The following NPFFR2 variants were observed in gnomAD, a reference collection of about 807,000 sequenced individuals.
NPFFR2 encodes the protein neuropeptide FF receptor 2.
In NPFFR2, 15 loss-of-function variants were observed where a neutral mutation model predicts 13.1. The observed-to-expected ratio is 1.15, with a 90% CI of 0.77 to 1.76. The LOEUF is 1.76. Ranked by LOEUF, NPFFR2 falls within the 40% of genes most tolerant of loss-of-function variation. The pLI is 0.00. For missense variants in NPFFR2, 572 were observed against 503.5 expected (o/e 1.14, Z -1.30); for synonymous variants, 190 against 175.7 (o/e 1.08, Z -0.65).
chr4:72,055,421 G>A (rs1473360167), intron 1 of NPFFR2, among the ~76,000 whole-genome samples: 5 of 152,122 alleles, frequency 3.3e-5, no homozygotes, highest in African/African-American at 1.2e-4. Flanking sequence ...GATAAGTGTT[G>A]TGTGTATTCT....
intron 1 of NPFFR2, among the ~76,000 whole-genome samples, chr4:72,100,406 GT>G (rs1560411091): frequency 1.3e-5 from 2 of 152,030 alleles, no homozygotes; most frequent in East Asian, 3.9e-4. Flanking sequence ...TAAAATAGGT[GT>G]TACAGTACCT....
rs143575262 is a variant in NPFFR2 at position 72,142,249 on chromosome 4, G to A, written c.428+4110G>A. Among the ~76,000 whole-genome samples, 298 of 152,092 alleles carry A rather than the reference G, an allele frequency of 2.0e-3. 2 individuals are homozygous for A. Among genetic ancestry groups the A allele is most frequent in the African/African-American group, 6.5e-3 (271 of 41,510 alleles). ...GTGTCTTTTAATTGGGGCATTTATC[G>A]CATTTACATTTAAGGTTAATAGCGT... On this transcript the variant is annotated intron_variant, in intron 3 of 3. Coordinates refer to ENST00000308744, the MANE Select transcript of NPFFR2 (RefSeq NM_004885.3).
At chr4:72,058,323 G>A (rs927809527) in intron 1 of NPFFR2, among the ~76,000 whole-genome samples, 9 of 151,620 alleles carry the variant, frequency 5.9e-5, no homozygotes, top group African/African-American at 2.2e-4. Context: ...TGGGGATTCT[G>A]AAAAGTATGT....
intron 1 of NPFFR2, among the ~76,000 whole-genome samples, chr4:72,062,979 AGGTTGTGTAGTT>A (rs1267826057): frequency 1.6e-4 from 24 of 152,188 alleles, no homozygotes; most frequent in Non-Finnish European, 3.4e-4. Flanking sequence ...TACGTCTTGA[AGGTTGTGTAGTT>A]GGTTGTAATT....
At chr4:72,032,326 CCTTCCT>C in intron 1 of NPFFR2, 126 bp downstream of exon 1, 1 of 1,103,708 alleles carries the variant, frequency 9.1e-7, no homozygotes, top group Non-Finnish European at 1.3e-6. Flanking sequence ...TTTTCAAATC[CCTTCCT>C]AATTACACAG....
At chr4:72,050,546 C>G (rs528947248) in intron 1 of NPFFR2, among the ~76,000 whole-genome samples, 1 of 151,954 alleles carries the variant, frequency 6.6e-6, no homozygotes, top group Non-Finnish European at 1.5e-5. Context: ...TCTATTATAA[C>G]ATGACATGGC....
At chr4:72,133,045 C>T (rs1429084050) in intron 2 of NPFFR2, among the ~76,000 whole-genome samples, 1 of 152,006 alleles carries the variant, frequency 6.6e-6, no homozygotes, top group Non-Finnish European at 1.5e-5. Context: ...GTTGTGATTG[C>T]TTTTGGTGTC....
chr4:72,079,964 C>T (rs1720558612), intron 1 of NPFFR2, among the ~76,000 whole-genome samples: 1 of 152,094 alleles, frequency 6.6e-6, no homozygotes, highest in African/African-American at 2.4e-5. Flanking sequence ...TTCCCCTCTT[C>T]CCTTCTGAGA....
chr4:72,141,866 G>A (rs1722637772), intron 3 of NPFFR2, among the ~76,000 whole-genome samples: 1 of 152,168 alleles, frequency 6.6e-6, no homozygotes, highest in Non-Finnish European at 1.5e-5. Flanking sequence ...GGGTGTTAAA[G>A]TCTCCCATTA....
chr4:72,136,903 TTAATTTC>T (rs1280684237), intron 2 of NPFFR2, among the ~76,000 whole-genome samples: 1 of 152,216 alleles, frequency 6.6e-6, no homozygotes, highest in African/African-American at 2.4e-5. Context: ...ATCTGGCACT[TTAATTTC>T]TAAGGATTTA....
intron 3 of NPFFR2, among the ~76,000 whole-genome samples, chr4:72,146,225 A>G (rs1722778607): frequency 6.7e-6 from 1 of 149,946 alleles, no homozygotes; most frequent in Non-Finnish European, 1.5e-5. Context: ...ATGTTGCAGC[A>G]TTAATCTGGG....
intron 1 of NPFFR2, among the ~76,000 whole-genome samples, chr4:72,066,337 G>A (rs150490703): frequency 5.9e-5 from 9 of 152,040 alleles, no homozygotes; most frequent in Admixed American, 5.2e-4. Context: ...ATACCATCTC[G>A]TTGGTCATTA....
At chr4:72,044,963 CT>C (rs1719334697) in intron 1 of NPFFR2, among the ~76,000 whole-genome samples, 1 of 152,072 alleles carries the variant, frequency 6.6e-6, no homozygotes, top group Non-Finnish European at 1.5e-5. Flanking sequence ...CATAAAATCT[CT>C]GCCTAGACAA....
At chr4:72,076,309 G>A (rs1386884204) in intron 1 of NPFFR2, among the ~76,000 whole-genome samples, 1 of 151,902 alleles carries the variant, frequency 6.6e-6, no homozygotes, top group Non-Finnish European at 1.5e-5. Context: ...AATTGAGTAA[G>A]ATACTTTGTA....
intron 2 of NPFFR2, among the ~76,000 whole-genome samples, chr4:72,137,060 C>A (rs1722440183): frequency 6.6e-6 from 1 of 152,098 alleles, no homozygotes; most frequent in Admixed American, 6.5e-5. Context: ...CTATCATAAG[C>A]TAACACATTT....
At chr4:72,058,166 G>A (rs929315675) in intron 1 of NPFFR2, among the ~76,000 whole-genome samples, 4 of 151,932 alleles carry the variant, frequency 2.6e-5, no homozygotes, top group Non-Finnish European at 4.4e-5. Context: ...GTGTTGTGTA[G>A]GAGAATGTGT....
In NPFFR2 at chr4:72,115,497, C is replaced by G. The variant is rs150871908; in HGVS notation, c.-7-13088C>G. On this transcript the variant is annotated intron_variant, in intron 1 of 3. Coordinates refer to ENST00000308744, the MANE Select transcript of NPFFR2 (RefSeq NM_004885.3). The stretch of plus-strand genomic sequence containing the variant: ...GTCTAAACAAGGTCTTAGACCAAGT[C>G]TGAGCATGTGTGTCCTTGGTCTTAT... Among the ~76,000 whole-genome samples, 389 of 152,244 alleles carry G rather than the reference C, an allele frequency of 2.6e-3. 10 individuals are homozygous for G. Among genetic ancestry groups the G allele is most frequent in the Admixed American group, 0.022 (338 of 15,290 alleles).
At chr4:72,142,312 C>A (rs546037656) in intron 3 of NPFFR2, among the ~76,000 whole-genome samples, 1 of 151,908 alleles carries the variant, frequency 6.6e-6, no homozygotes, top group South Asian at 2.1e-4. Context: ...CGAGAGTGTC[C>A]CGATTTTCCA....
intron 1 of NPFFR2, among the ~76,000 whole-genome samples, chr4:72,056,572 AAT>A (rs1285682588): frequency 1.3e-5 from 2 of 152,062 alleles, no homozygotes; most frequent in Non-Finnish European, 2.9e-5. Context: ...TTATTTAAGA[AAT>A]ACATTTTTTA....
Sources: allele counts gnomAD v4.1 joint callset (sites outside exome capture counted in the v4.1 genomes callset), GRCh38; gene constraint gnomAD v4.1.1; transcripts MANE v1.5; gene names NCBI Gene and HGNC (gene_info 2026-07-23, HGNC 2026-07-21).